Variants in CNTN3 observed in about 807,000 individuals in gnomAD.
CNTN3 encodes contactin 3.
A neutral mutation model predicts 119.1 loss-of-function variants in CNTN3; 60 were observed. The observed-to-expected ratio is 0.50, with a 90% CI of 0.41 to 0.62. The LOEUF (loss-of-function observed/expected upper bound fraction) is 0.62. CNTN3 is among the 20% of genes least tolerant of loss of function. The probability of loss-of-function intolerance (pLI) is 0.00; values close to 1 mark genes in which losing one functional copy is unlikely to be tolerated. For missense variants in CNTN3, 1,101 were observed against 1,242.4 expected (o/e 0.89, Z 1.71); for synonymous variants, 450 against 438.7 (o/e 1.03, Z -0.32).
intron 1 of CNTN3, among the ~76,000 whole-genome samples, chr3:74,555,546 AT>A (rs1328929933): frequency 6.6e-6 from 1 of 151,900 alleles, no homozygotes; most frequent in Non-Finnish European, 1.5e-5. Flanking sequence ...CTGGTCCTGA[AT>A]TTTTTTGGTT....
intron 4 of CNTN3, among the ~76,000 whole-genome samples, chr3:74,482,824 G>A (rs1702785867): frequency 6.6e-6 from 1 of 152,056 alleles, no homozygotes; most frequent in African/African-American, 2.4e-5. Flanking sequence ...TAATACAAGG[G>A]TCTCCATTCT....
intron 1 of CNTN3, among the ~76,000 whole-genome samples, chr3:74,523,472 G>A (rs1416170064): frequency 6.6e-6 from 1 of 151,826 alleles, no homozygotes; most frequent in Non-Finnish European, 1.5e-5. Context: ...TAAAGTCTAG[G>A]GACAATGGGT....
chr3:74,504,676 C>T (rs9882860), intron 2 of CNTN3, among the ~76,000 whole-genome samples: 5,685 of 152,234 alleles, frequency 0.037, 121 homozygotes, highest in East Asian at 0.083. Context: ...GCAGATGCTG[C>T]TGGTAGTCCA....
At chr3:74,597,357 T>C (rs759899110) in intron 1 of CNTN3, among the ~76,000 whole-genome samples, 1 of 152,016 alleles carries the variant, frequency 6.6e-6, no homozygotes, top group Non-Finnish European at 1.5e-5. Flanking sequence ...CAAAAATCTT[T>C]CTAGAACTAC....
chr3:74,561,930 T>A (rs1032955487), intron 1 of CNTN3, among the ~76,000 whole-genome samples: 2 of 152,168 alleles, frequency 1.3e-5, no homozygotes, highest in African/African-American at 4.8e-5. Flanking sequence ...TTATTCTTAC[T>A]GACACATATT....
At chr3:74,308,035 G>T (rs1411128726) in intron 13 of CNTN3, among the ~76,000 whole-genome samples, 1 of 151,988 alleles carries the variant, frequency 6.6e-6, no homozygotes, top group African/African-American at 2.4e-5. Flanking sequence ...TCATCTCCAG[G>T]TGCCTTGAAA....
chr3:74,319,733 T>A (rs1217595627), intron 13 of CNTN3, among the ~76,000 whole-genome samples: 2 of 150,272 alleles, frequency 1.3e-5, no homozygotes, highest in African/African-American at 4.9e-5. Context: ...ACAGGCACCC[T>A]ACAAAATGGG....
chr3:74,572,163 C>G (rs1383260193), intron 1 of CNTN3, among the ~76,000 whole-genome samples: 1 of 152,198 alleles, frequency 6.6e-6, no homozygotes, highest in African/African-American at 2.4e-5. Flanking sequence ...CCAGTAAGTT[C>G]TCTTCTGTAC....
chr3:74,418,357 T>TTTTTTTTTG (rs1701561062), intron 5 of CNTN3, among the ~76,000 whole-genome samples: 1 of 148,380 alleles, frequency 6.7e-6, no homozygotes, highest in Non-Finnish European at 1.5e-5. Flanking sequence ...TTTTTTTTTT[T>TTTTTTTTTG]TTGAGTCAGA....
chr3:74,303,563 T>G (rs780198636), intron 13 of CNTN3, among the ~76,000 whole-genome samples: 6 of 151,918 alleles, frequency 3.9e-5, no homozygotes, highest in Non-Finnish European at 7.4e-5. Context: ...TGTGGTGGCG[T>G]GCCCCTGTAA....
chr3:74,337,650 G>A (rs1225747451), intron 11 of CNTN3, among the ~76,000 whole-genome samples: 1 of 152,064 alleles, frequency 6.6e-6, no homozygotes, highest in African/African-American at 2.4e-5. Flanking sequence ...AGAACAGTAT[G>A]GGGAAACCGC....
rs758824161 is a variant in CNTN3 at position 74,361,878 on chromosome 3, A to G, written c.1364+12T>C. On this transcript the variant is annotated intron_variant, in intron 11 of 22. Transcript: ENST00000263665. Reference sequence around the variant, plus strand: ...GGAAAGTAAATGACCACTTTTCTGGACATCAAAATACCTTTCATGCTCCTG... The same window carrying G: ...GGAAAGTAAATGACCACTTTTCTGGGCATCAAAATACCTTTCATGCTCCTG... The G allele has an allele frequency of 1.1e-5, 18 of 1,594,898 alleles. No homozygotes were observed. The highest frequency in any genetic ancestry group is 1.5e-5 in the Non-Finnish European group (18 of 1,169,386).
At chr3:74,400,761 A>G (rs1398401785) in intron 5 of CNTN3, among the ~76,000 whole-genome samples, 1 of 152,216 alleles carries the variant, frequency 6.6e-6, no homozygotes, top group African/African-American at 2.4e-5. Context: ...AGCTTTATAA[A>G]GCAGTGCTGG....
intron 11 of CNTN3, among the ~76,000 whole-genome samples, chr3:74,361,280 A>G (rs2106770799): frequency 6.6e-6 from 1 of 152,186 alleles, no homozygotes; most frequent in South Asian, 2.1e-4. Context: ...AACTATTATC[A>G]CTCCCACTAA....
chr3:74,504,145 A>G (rs1703212377), intron 2 of CNTN3, among the ~76,000 whole-genome samples: 1 of 152,198 alleles, frequency 6.6e-6, no homozygotes, highest in Admixed American at 6.5e-5. Context: ...GGTATCTGAA[A>G]TTCCTAGGGA....
chr3:74,333,193 T>C (rs1006565906), intron 13 of CNTN3, among the ~76,000 whole-genome samples: 1 of 152,258 alleles, frequency 6.6e-6, no homozygotes, highest in African/African-American at 2.4e-5. Flanking sequence ...AAAATTACAC[T>C]TAATTGTAGT....
At chr3:74,286,051 G>C (rs576158789) in intron 19 of CNTN3, among the ~76,000 whole-genome samples, 1 of 151,928 alleles carries the variant, frequency 6.6e-6, no homozygotes, top group East Asian at 1.9e-4. Flanking sequence ...ACAACTGAAA[G>C]AACAGACTAT....
At chr3:74,390,051 T>C (rs1002200122) in intron 5 of CNTN3, among the ~76,000 whole-genome samples, 1 of 152,228 alleles carries the variant, frequency 6.6e-6, no homozygotes, top group Non-Finnish European at 1.5e-5. Flanking sequence ...CCCATTCAGA[T>C]GCCTCCATCA....
chr3:74,397,825 A>G (rs1246741752), intron 5 of CNTN3, among the ~76,000 whole-genome samples: 3 of 152,190 alleles, frequency 2.0e-5, no homozygotes, highest in African/African-American at 7.2e-5. Context: ...CATTAACAGG[A>G]GTCTGGAAAA....
Sources: allele counts gnomAD v4.1 joint callset (sites outside exome capture counted in the v4.1 genomes callset), GRCh38; gene constraint gnomAD v4.1.1; transcripts MANE v1.5; gene names NCBI Gene and HGNC (gene_info 2026-07-23, HGNC 2026-07-21).